NUAK1: variants seen among roughly 807,000 people sequenced by gnomAD.
The protein encoded by NUAK1 is NUAK family SNF1-like kinase 1.
In NUAK1, 26 loss-of-function variants were observed where a neutral mutation model predicts 56.9. That is an observed-to-expected ratio of 0.46 (90% CI 0.33 to 0.63). The LOEUF (loss-of-function observed/expected upper bound fraction) is 0.63, where lower values mean the gene tolerates loss of function less well. Ranked by LOEUF, NUAK1 falls within the 30% of genes least tolerant of loss-of-function variation. NUAK1 has a pLI of 0.02. For synonymous variants in NUAK1, 337 were observed against 336.0 expected (o/e 1.00, Z -0.03); for missense variants, 727 against 876.1 (o/e 0.83, Z 2.15).
At chr12:106,115,233 C>T (rs1164668274) in intron 1 of NUAK1, among the ~76,000 whole-genome samples, 2 of 152,054 alleles carry the variant, frequency 1.3e-5, no homozygotes, top group Non-Finnish European at 2.9e-5. Context: ...TCCAGGTGAG[C>T]AGAACCAAAA....
intron 2 of NUAK1, among the ~76,000 whole-genome samples, chr12:106,092,752 T>C (rs975053463): frequency 1.3e-5 from 2 of 152,296 alleles, no homozygotes; most frequent in African/African-American, 4.8e-5. Context: ...TGCACATCTG[T>C]ACGCATTTTT....
chr12:106,132,143 T>C (rs1362663099), intron 1 of NUAK1, among the ~76,000 whole-genome samples: 1 of 152,196 alleles, frequency 6.6e-6, no homozygotes, highest in East Asian at 1.9e-4. Context: ...CCCTAACAAA[T>C]GCATGTGCAA....
At chr12:106,074,841 C>A (rs574905850) in intron 4 of NUAK1, among the ~76,000 whole-genome samples, 1 of 152,124 alleles carries the variant, frequency 6.6e-6, no homozygotes, top group Non-Finnish European at 1.5e-5. Flanking sequence ...ATGCATTCTC[C>A]GGGCTCAGAT....
chr12:106,069,453 C>T (rs970216315), intron 6 of NUAK1, among the ~76,000 whole-genome samples: 8 of 152,102 alleles, frequency 5.3e-5, no homozygotes, highest in African/African-American at 1.7e-4. Flanking sequence ...TTCAGTGTTC[C>T]TAAGCTCAAG....
Position 106,067,982 on chromosome 12 carries a change from G to C in NUAK1, c.833-27C>G, listed in dbSNP as rs3741884. 3.2e-6 allele frequency: 5 copies of C among 1,568,626 alleles called. No homozygotes were observed. Among genetic ancestry groups the C allele is most frequent in the African/African-American group, 1.4e-5 (1 of 73,766 alleles). ...TAAGGGACAAGGGACAAAAAGAATC[G>C]GGCATTATGTGGGAGCTTCTGGCTT... On this transcript the variant is annotated intron_variant, in intron 6 of 6. Coordinates refer to ENST00000261402, the MANE Select transcript of NUAK1 (RefSeq NM_014840.3). The surrounding 1 kb of genome is among the most constrained non-coding windows in gnomAD (Gnocchi z 6.0).
At chr12:106,081,837 A>G (rs574553313) in intron 4 of NUAK1, among the ~76,000 whole-genome samples, 4 of 152,312 alleles carry the variant, frequency 2.6e-5, no homozygotes, top group African/African-American at 9.6e-5. Flanking sequence ...TAAAGATGAC[A>G]TTTAGTTTTG....
At chr12:106,133,262 A>G (rs1382425210) in intron 1 of NUAK1, among the ~76,000 whole-genome samples, 1 of 151,936 alleles carries the variant, frequency 6.6e-6, no homozygotes, top group Non-Finnish European at 1.5e-5. Context: ...TGAAACCCAA[A>G]TCAAGGGTCA....
At chr12:106,121,035 G>C (rs959391505) in intron 1 of NUAK1, among the ~76,000 whole-genome samples, 1 of 152,166 alleles carries the variant, frequency 6.6e-6, no homozygotes, top group Non-Finnish European at 1.5e-5. Flanking sequence ...AGTTAGCCTG[G>C]GGTAAAGTCC....
intron 2 of NUAK1, among the ~76,000 whole-genome samples, chr12:106,104,525 T>C (rs2032782137): frequency 6.6e-6 from 1 of 152,196 alleles, no homozygotes; most frequent in Non-Finnish European, 1.5e-5. Flanking sequence ...GAAACACAGA[T>C]TGCTGAGCCC....
At chr12:106,114,430 T>C (rs1317869463) in intron 1 of NUAK1, among the ~76,000 whole-genome samples, 1 of 152,170 alleles carries the variant, frequency 6.6e-6, no homozygotes, top group Non-Finnish European at 1.5e-5. Context: ...GGTACCAACC[T>C]CACAAGGTTG....
At chr12:106,107,428 G>A (rs1355339703) in intron 1 of NUAK1, among the ~76,000 whole-genome samples, 1 of 152,208 alleles carries the variant, frequency 6.6e-6, no homozygotes, top group African/African-American at 2.4e-5. Context: ...CAGGAAGGGA[G>A]TATCCACGGG....
intron 4 of NUAK1, among the ~76,000 whole-genome samples, chr12:106,078,604 G>A (rs954475485): frequency 6.6e-6 from 1 of 152,214 alleles, no homozygotes; most frequent in Non-Finnish European, 1.5e-5. Context: ...ACTCAAGACA[G>A]CCTCACTCCT....
chr12:106,132,323 C>A (rs771028212), intron 1 of NUAK1, among the ~76,000 whole-genome samples: 16 of 152,246 alleles, frequency 1.1e-4, no homozygotes, highest in Non-Finnish European at 2.1e-4. Context: ...GATATTCTCT[C>A]GCTCAATGTA....
At chr12:106,104,067 CTTT>C (rs67587816) in intron 2 of NUAK1, 12 of 143,506 alleles carry the variant, frequency 8.4e-5, no homozygotes, top group Non-Finnish European at 1.2e-4. Context: ...TGTATTGCTT[CTTT>C]TTTTTTTTTT....
intron 4 of NUAK1, among the ~76,000 whole-genome samples, chr12:106,083,393 C>T (rs1468945694): frequency 6.6e-6 from 1 of 152,198 alleles, no homozygotes; most frequent in Non-Finnish European, 1.5e-5. Context: ...CTACTCTTTA[C>T]CACTGGATTA....
intron 1 of NUAK1, among the ~76,000 whole-genome samples, chr12:106,124,582 A>C (rs903185734): frequency 6.6e-6 from 1 of 152,210 alleles, no homozygotes; most frequent in Non-Finnish European, 1.5e-5. Flanking sequence ...AGACATGAAG[A>C]TTCACAAAAT....
chr12:106,067,789 G>A lies in NUAK1; in HGVS notation c.999C>T (p.Asp333=). 6.2e-7 allele frequency: 1 copy of A among 1,614,222 alleles called. No individual in the cohort carries two copies. Among genetic ancestry groups the A allele is most frequent in the Non-Finnish European group, 8.5e-7 (1 of 1,180,046 alleles). The change falls in exon 7 of 7, where the codon GAC becomes GAT. Residue 333 remains aspartate (D), a synonymous_variant. Coordinates refer to ENST00000261402, the MANE Select transcript of NUAK1 (RefSeq NM_014840.3). The surrounding 1 kb of genome is among the most constrained non-coding windows in gnomAD (Gnocchi z 6.0). The stretch of plus-strand genomic sequence containing the variant: ...GCAGCCCTGTGGAACGGTGGTGCCA[G>A]TCAATGATCCGAGCCAGGAGTGGGG... ...SESPLLARII[D]WHHRSTGLQA...
intron 2 of NUAK1, among the ~76,000 whole-genome samples, chr12:106,099,948 G>A (rs774277126): frequency 7.3e-5 from 11 of 150,962 alleles, no homozygotes; most frequent in Non-Finnish European, 1.3e-4. Context: ...GCACCATCAC[G>A]TCCAGCTAAT....
At chr12:106,085,313 G>A (rs1427792) in intron 3 of NUAK1, among the ~76,000 whole-genome samples, 26,312 of 152,184 alleles carry the variant, frequency 0.17, 2,728 homozygotes, top group East Asian at 0.39. Context: ...AATATTATAC[G>A]ATTCAAATCA....
Sources: allele counts gnomAD v4.1 joint callset (sites outside exome capture counted in the v4.1 genomes callset), GRCh38; gene constraint gnomAD v4.1.1; non-coding constraint Gnocchi (gnomAD v3.1); transcripts MANE v1.5; gene names NCBI Gene and HGNC (gene_info 2026-07-23, HGNC 2026-07-21).